The following BARD1 variants were observed in gnomAD, a reference collection of about 807,000 sequenced individuals.
BARD1 encodes the protein BRCA1 associated RING domain 1, also known as BRCA1-associated RING domain protein 1.
BARD1 carries 73 observed loss-of-function variants against 77.0 expected under a neutral mutation model. That is an observed-to-expected ratio of 0.95 (90% CI 0.79 to 1.15). The LOEUF (loss-of-function observed/expected upper bound fraction) is 1.15. BARD1 is among the 50% of genes most tolerant of loss of function. The pLI is 0.00. For missense variants in BARD1, 993 were observed against 938.8 expected (o/e 1.06, Z -0.75); for synonymous variants, 384 against 338.0 (o/e 1.14, Z -1.49).
intron 3 of BARD1, among the ~76,000 whole-genome samples, chr2:214,785,920 A>AG (rs1225774227): frequency 6.6e-6 from 1 of 151,980 alleles, no homozygotes; most frequent in Non-Finnish European, 1.5e-5. Flanking sequence ...TTTTAAAAAG[A>AG]AAGAGAAGAG....
intron 6 of BARD1, among the ~76,000 whole-genome samples, chr2:214,753,944 G>A (rs1574759500): frequency 6.6e-6 from 1 of 152,202 alleles, no homozygotes; most frequent in East Asian, 1.9e-4. Flanking sequence ...CTCCAGCCAA[G>A]ATATAATACA....
intron 6 of BARD1, among the ~76,000 whole-genome samples, chr2:214,756,092 C>T (rs1246780086): frequency 2.0e-5 from 3 of 151,948 alleles, no homozygotes; most frequent in African/African-American, 4.8e-5. Context: ...TATTTGTGTC[C>T]CCGCCCAAAT....
intron 6 of BARD1, among the ~76,000 whole-genome samples, chr2:214,763,107 C>T (rs59169211): frequency 0.012 from 1,757 of 152,204 alleles, 43 homozygotes; most frequent in African/African-American, 0.039. Flanking sequence ...ACATCACTAA[C>T]GGAAGTTCCT....
chr2:214,769,931 C>T (rs1427252069), intron 4 of BARD1, among the ~76,000 whole-genome samples: 1 of 152,076 alleles, frequency 6.6e-6, no homozygotes, highest in Non-Finnish European at 1.5e-5. Flanking sequence ...CATAATTTCA[C>T]TTGTGAAAAA....
At chr2:214,729,188 A>C (rs1168127262) in intron 10 of BARD1, among the ~76,000 whole-genome samples, 180 bp from the exon 11 acceptor site, 1 of 152,272 alleles carries the variant, frequency 6.6e-6, no homozygotes, top group Non-Finnish European at 1.5e-5. Flanking sequence ...TACATGAGGT[A>C]TCTTAAGGAT....
In BARD1 at chr2:214,772,134, T is replaced by G. The variant is rs192232951; in HGVS notation, c.1315-2822A>C. Among the ~76,000 whole-genome samples the G allele has an allele frequency of 2.0e-3, 297 of 151,982 alleles. 1 individual carries two copies. Among genetic ancestry groups the G allele is most frequent in the African/African-American group, 6.7e-3 (277 of 41,424 alleles). Reference sequence around the variant, plus strand: ...GCATACATCACCATGCCCAGCTAATTTTTTTTATTGTTTTGTAGAGATGGG... The same window carrying G: ...GCATACATCACCATGCCCAGCTAATGTTTTTTATTGTTTTGTAGAGATGGG... On this transcript the variant is annotated intron_variant, in intron 4 of 10. Transcript: ENST00000260947.
At chr2:214,765,621 T>C (rs1038558228) in intron 6 of BARD1, among the ~76,000 whole-genome samples, 2 of 152,176 alleles carry the variant, frequency 1.3e-5, no homozygotes, top group African/African-American at 4.8e-5. Flanking sequence ...AACTAGTCAG[T>C]TTCACCTGAC....
At chr2:214,753,440 T>C (rs1693550012) in intron 6 of BARD1, among the ~76,000 whole-genome samples, 1 of 152,192 alleles carries the variant, frequency 6.6e-6, no homozygotes, top group African/African-American at 2.4e-5. Flanking sequence ...TAGTCTTCTA[T>C]GTTTTTTTTA....
Position 214,746,540 on chromosome 2 carries a change from T to C in BARD1, c.1678-686A>G, listed in dbSNP as rs1175668122. Among the ~76,000 whole-genome samples, 3 of 151,768 alleles carry C rather than the reference T, an allele frequency of 2.0e-5. No homozygotes were observed. The East Asian group carries it at 5.8e-4, about 29-fold the overall frequency. ...GACAAAAATAAAGAGAAGGTAAGAGTGGACAGCATTAAAGCTGAGAAGTGA... is the reference window on the plus strand; with the variant it reads ...GACAAAAATAAAGAGAAGGTAAGAGCGGACAGCATTAAAGCTGAGAAGTGA... On this transcript the variant is annotated intron_variant, in intron 7 of 10. Transcript: ENST00000260947.
chr2:214,763,597 C>T (rs1411054155), intron 6 of BARD1, among the ~76,000 whole-genome samples: 1 of 152,102 alleles, frequency 6.6e-6, no homozygotes, highest in African/African-American at 2.4e-5. Flanking sequence ...AGTAGCAAAC[C>T]CTAAAGAGGG....
chr2:214,759,604 A>G (rs1302532084), intron 6 of BARD1, among the ~76,000 whole-genome samples: 2 of 152,212 alleles, frequency 1.3e-5, no homozygotes, highest in African/African-American at 4.8e-5. Flanking sequence ...AAGACATATA[A>G]AAACAGTAAG....
Position 214,745,854 on chromosome 2 carries a change from T to G in BARD1, c.1678A>C (p.Met560Leu), listed in dbSNP as rs587780020. The change falls in exon 8 of 11, where the codon ATG (methionine) becomes CTG (leucine). Residue 560 changes from methionine to leucine, a missense_variant and splice_region_variant. Met to Leu is a conservative substitution (Grantham distance 15, BLOSUM62 2). Coordinates refer to ENST00000260947, the MANE Select transcript of BARD1 (RefSeq NM_000465.4). ...CCATCCCTACGCTGCCCAGTGTTCA[T>G]CTGTTAATATAAAAGGAGATACCAG... ...ESSSASHCSVMNTGQRRDGPL... is the reference protein window; with the variant it reads ...ESSSASHCSVLNTGQRRDGPL... The G allele has an allele frequency of 1.9e-6, 3 of 1,614,014 alleles. No individual in the cohort carries two copies. Among genetic ancestry groups the G allele is most frequent in the Non-Finnish European group, 2.5e-6 (3 of 1,179,964 alleles).
At chr2:214,732,856 C>T (rs1355750998) in intron 9 of BARD1, among the ~76,000 whole-genome samples, 1 of 152,102 alleles carries the variant, frequency 6.6e-6, no homozygotes, top group African/African-American at 2.4e-5. Flanking sequence ...GACACAATAA[C>T]AAAACTTCAA....
At chr2:214,774,007 G>C (rs1443548729) in intron 4 of BARD1, among the ~76,000 whole-genome samples, 1 of 152,200 alleles carries the variant, frequency 6.6e-6, no homozygotes, top group African/African-American at 2.4e-5. Flanking sequence ...TTCACCAGAA[G>C]TAGATTCCAT....
chr2:214,804,234 A>T (rs994156166), intron 1 of BARD1, among the ~76,000 whole-genome samples: 8 of 152,244 alleles, frequency 5.3e-5, no homozygotes, highest in Non-Finnish European at 7.3e-5. Flanking sequence ...GGATAATGAC[A>T]TGGAACCTAT....
chr2:214,791,943 A>G (rs116788836), intron 3 of BARD1, among the ~76,000 whole-genome samples: 4,182 of 151,986 alleles, frequency 0.028, 81 homozygotes, highest in South Asian at 0.077. Context: ...AGGTTATTTC[A>G]CCTCTCTGGA....
At chr2:214,808,076 T>C (rs16852810) in intron 1 of BARD1, among the ~76,000 whole-genome samples, 11,532 of 152,312 alleles carry the variant, frequency 0.076, 516 homozygotes, top group African/African-American at 0.12. Context: ...AAAGAAAATA[T>C]AAGTGCAAAA....
At chr2:214,738,865 C>A (rs559849903) in intron 9 of BARD1, among the ~76,000 whole-genome samples, 2 of 152,168 alleles carry the variant, frequency 1.3e-5, no homozygotes, top group Middle Eastern at 3.4e-3. Flanking sequence ...AATTTTTAGG[C>A]CAGACCTGGT....
At chr2:214,803,654 C>A (rs1012584825) in intron 1 of BARD1, among the ~76,000 whole-genome samples, 1 of 152,216 alleles carries the variant, frequency 6.6e-6, no homozygotes, top group Admixed American at 6.5e-5. Context: ...ATCCCCCTCT[C>A]GGAGAAACAC....
Sources: allele counts gnomAD v4.1 joint callset (sites outside exome capture counted in the v4.1 genomes callset), GRCh38; gene constraint gnomAD v4.1.1; transcripts MANE v1.5; gene names NCBI Gene and HGNC (gene_info 2026-07-23, HGNC 2026-07-21).